Variants in PPP2CA observed in about 807,000 individuals in gnomAD.
PPP2CA encodes serine/threonine-protein phosphatase 2A catalytic subunit alpha isoform.
Under a neutral mutation model 38.8 loss-of-function variants are expected in PPP2CA, and 5 were observed. That is an observed-to-expected ratio of 0.13 (90% CI 0.07 to 0.27). PPP2CA has a LOEUF of 0.27. Among genes scored for constraint, PPP2CA ranks in the 10% least tolerant of loss-of-function variants. The probability of loss-of-function intolerance (pLI) is 1.00; values close to 1 mark genes in which losing one functional copy is unlikely to be tolerated. For synonymous variants in PPP2CA, 152 were observed against 134.0 expected, an observed-to-expected ratio of 1.13 and a Z score of -0.93; for missense variants, 88 against 389.7, an observed-to-expected ratio of 0.23 and a Z score of 6.52.
At chr5:134,203,166 T>A (rs1350246599) in intron 2 of PPP2CA, among the ~76,000 whole-genome samples, 2 of 152,206 alleles carry the variant, frequency 1.3e-5, no homozygotes, top group African/African-American at 4.8e-5. Context: ...ATAATCTTAA[T>A]TTTGATAAAG....
chr5:134,214,283 A>C (rs1231410755), intron 1 of PPP2CA, among the ~76,000 whole-genome samples: 1 of 152,186 alleles, frequency 6.6e-6, no homozygotes, highest in Admixed American at 6.5e-5. Context: ...CTTATAATTG[A>C]CTGGCATCTC....
intron 3 of PPP2CA, 94 bp from the exon 4 acceptor site, chr5:134,201,168 T>C (rs1398185270): frequency 6.4e-6 from 6 of 944,798 alleles, no homozygotes; most frequent in African/African-American, 3.3e-5. Context: ...CCCCAGCACT[T>C]TGGGAAGCTG....
In PPP2CA at chr5:134,196,870, A is replaced by T. The variant is rs965047953; in HGVS notation, c.*902T>A. ...AAGTTAATATGCAGGAAGAACCCACAAAGTGCACACCAACAATGTGACAAA... is the reference window on the plus strand; with the variant it reads ...AAGTTAATATGCAGGAAGAACCCACTAAGTGCACACCAACAATGTGACAAA... On this transcript the variant is annotated 3_prime_UTR_variant, in exon 7 of 7. Transcript: ENST00000481195. The T allele has an allele frequency of 1.3e-5, 2 of 152,642 alleles. No individual in the cohort carries two copies. The highest frequency in any genetic ancestry group is 6.5e-5 in the Admixed American group (1 of 15,284). The allele number at this position is 152,642 out of a possible 1,614,324, so 9.5% of individuals were successfully genotyped here. A position where few individuals can be genotyped will look rare whatever the true frequency, so the allele number is the denominator to read the frequency against.
rs531244440 is a variant in PPP2CA, at chr5:134,225,594, G to C, written c.102+166C>G. 5 of 534,256 alleles carry C rather than the reference G, an allele frequency of 9.4e-6. No homozygotes were observed. The Admixed American group carries it at 1.2e-4, about 13-fold the overall frequency. The allele number at this position is 534,256 out of a possible 1,614,324, so 33.1% of individuals were successfully genotyped here. ...ACCAATCCCTGCGCGGGAGGCAGGG[G>C]GCGCCGGGTCGTTAGGAAGCCGCCG... is the stretch of plus-strand genomic sequence containing the variant. On this transcript the variant is annotated intron_variant, in intron 1 of 6. Coordinates refer to ENST00000481195, the MANE Select transcript of PPP2CA (RefSeq NM_002715.4).
rs1374028580 is a variant in PPP2CA, at chr5:134,197,673, G to A, written c.*99C>T. 1 of 976,520 alleles carries A rather than the reference G, an allele frequency of 1.0e-6. No homozygotes were observed. Among genetic ancestry groups the A allele is most frequent in the Non-Finnish European group, 1.6e-6 (1 of 630,864 alleles). 60.5% of individuals were successfully genotyped at this position (976,520 alleles called of 1,614,324 possible). ...CCATGTGAAAACAAGTTTTTTGAAT[G>A]TTAACTATTTTCTGACACTTTGGAG... On this transcript the variant is annotated 3_prime_UTR_variant, in exon 7 of 7. Coordinates refer to ENST00000481195, the MANE Select transcript of PPP2CA (RefSeq NM_002715.4).
At chr5:134,224,932 T>G (rs1408356031) in intron 1 of PPP2CA, among the ~76,000 whole-genome samples, 1 of 152,164 alleles carries the variant, frequency 6.6e-6, no homozygotes, top group Non-Finnish European at 1.5e-5. Flanking sequence ...AGATACAAAA[T>G]TTACCGCTCT....
intron 1 of PPP2CA, among the ~76,000 whole-genome samples, chr5:134,220,006 G>GT: frequency 1.8e-5 from 1 of 55,196 alleles, no homozygotes; most frequent in African/African-American, 8.5e-5. Context: ...GCGAGGCTCC[G>GT]TATCAAAAAA....
chr5:134,224,125 A>G (rs973236282), intron 1 of PPP2CA: 18 of 322,314 alleles, frequency 5.6e-5, no homozygotes, highest in African/African-American at 4.0e-4. Context: ...CTACTGACTT[A>G]AAAGTCTTTC....
rs1451563476 is a variant in PPP2CA at position 134,225,670 on chromosome 5, G to A, written c.102+90C>T. On this transcript the variant is annotated intron_variant, in intron 1 of 6. Coordinates refer to ENST00000481195, the MANE Select transcript of PPP2CA (RefSeq NM_002715.4). ...GAGACTCGGGGGGCCCGGACCGGCG[G>A]CCTCCGCCATGTTGCACCCTCCTCA... 2.4e-5 allele frequency: 29 copies of A among 1,202,074 alleles called. No homozygotes were observed. In the East Asian group the frequency reaches 5.7e-4, roughly 23 times the overall value. 74.5% of individuals were successfully genotyped at this position (1,202,074 alleles called of 1,614,324 possible). A position where few individuals can be genotyped will look rare whatever the true frequency, so the allele number is the denominator to read the frequency against.
chr5:134,224,260 A>G (rs1300001602), intron 1 of PPP2CA: 1 of 454,748 alleles, frequency 2.2e-6, no homozygotes, highest in Admixed American at 2.4e-5. Flanking sequence ...TACCAACCTC[A>G]TTTGACGTGA....
Position 134,197,097 on chromosome 5 carries a change from T to C in PPP2CA, c.*675A>G, listed in dbSNP as rs1761868733. ...AATTAAAATTTGACCTTCTCAGTTCTTAGTTCACAAGTTTATTATGAAAAA... is the reference window on the plus strand; with the variant it reads ...AATTAAAATTTGACCTTCTCAGTTCCTAGTTCACAAGTTTATTATGAAAAA... On this transcript the variant is annotated 3_prime_UTR_variant, in exon 7 of 7. Coordinates refer to ENST00000481195, the MANE Select transcript of PPP2CA (RefSeq NM_002715.4). 1 of 152,638 alleles carries C rather than the reference T, an allele frequency of 6.6e-6. No homozygotes were observed. The highest frequency in any genetic ancestry group is 2.1e-4 in the South Asian group (1 of 4,838). The allele number at this position is 152,638 out of a possible 1,614,324, so 9.5% of individuals were successfully genotyped here.
intron 1 of PPP2CA, among the ~76,000 whole-genome samples, chr5:134,209,540 G>A (rs538118785): frequency 2.2e-4 from 34 of 152,206 alleles, no homozygotes; most frequent in Admixed American, 2.6e-4. Context: ...AATACTTTGC[G>A]AGGCTGAGGC....
At chr5:134,223,133 A>G (rs914776672) in intron 1 of PPP2CA, among the ~76,000 whole-genome samples, 1 of 152,202 alleles carries the variant, frequency 6.6e-6, no homozygotes, top group African/African-American at 2.4e-5. Flanking sequence ...ATTCCTTCTT[A>G]TGATTGAAGA....
chr5:134,220,992 T>C (rs1762429024), intron 1 of PPP2CA, among the ~76,000 whole-genome samples: 2 of 152,226 alleles, frequency 1.3e-5, no homozygotes, highest in Admixed American at 6.5e-5. Context: ...GTTCACCTTT[T>C]CTGTTTCCTC....
chr5:134,212,878 G>C (rs1299525174), intron 1 of PPP2CA, among the ~76,000 whole-genome samples: 1 of 152,186 alleles, frequency 6.6e-6, no homozygotes, highest in South Asian at 2.1e-4. Flanking sequence ...TCAGAGGTAG[G>C]TCCTAATTCT....
rs771717090 is a variant in PPP2CA, at chr5:134,202,037, G to C, written c.313-16C>G. The C allele has an allele frequency of 7.7e-6, 12 of 1,555,686 alleles. No individual in the cohort carries two copies. The South Asian group carries it at 1.5e-4, about 19-fold the overall frequency. ...GGTAACGAACCTAAAACAATAAAAT[G>C]CAAAACATAAACAACTAGCTCTTTC... is the stretch of plus-strand genomic sequence containing the variant. On this transcript the variant is annotated splice_polypyrimidine_tract_variant and intron_variant, in intron 2 of 6. Transcript: ENST00000481195.
intron 2 of PPP2CA, chr5:134,203,515 T>A (rs1281061289): frequency 6.6e-6 from 1 of 152,258 alleles, no homozygotes; most frequent in African/African-American, 2.4e-5. Flanking sequence ...GATTTATGGA[T>A]GCTCATCTTC....
intron 1 of PPP2CA, among the ~76,000 whole-genome samples, chr5:134,212,901 A>G (rs528554287): frequency 2.6e-5 from 4 of 152,332 alleles, no homozygotes; most frequent in African/African-American, 9.6e-5. Flanking sequence ...AATTCTATAA[A>G]GGCTAATAGA....
At chr5:134,214,963 T>G (rs1456098723) in intron 1 of PPP2CA, among the ~76,000 whole-genome samples, 1 of 152,114 alleles carries the variant, frequency 6.6e-6, no homozygotes, top group Non-Finnish European at 1.5e-5. Flanking sequence ...CATCTTAAAC[T>G]TGCATCGTTA....
Sources: allele counts gnomAD v4.1 joint callset (sites outside exome capture counted in the v4.1 genomes callset), GRCh38; gene constraint gnomAD v4.1.1; transcripts MANE v1.5; gene names NCBI Gene and HGNC (gene_info 2026-07-23, HGNC 2026-07-21).